The following CTNNB1 variants were observed in gnomAD, a reference collection of about 807,000 sequenced individuals.
The protein encoded by CTNNB1 is catenin beta-1.
CTNNB1 carries 6 observed loss-of-function variants against 82.5 expected under a neutral mutation model. The observed-to-expected ratio is 0.07, with a 90% CI of 0.04 to 0.14. The LOEUF is 0.14. Among genes scored for constraint, CTNNB1 ranks in the 10% least tolerant of loss-of-function variants. CTNNB1 has a pLI of 1.00. For synonymous variants in CTNNB1, 312 were observed against 329.7 expected (o/e 0.95, Z 0.58); for missense variants, 529 against 980.4 (o/e 0.54, Z 6.15).
chr3:41,212,506 G>A (rs1047845353), intron 1 of CTNNB1, among the ~76,000 whole-genome samples: 1 of 152,146 alleles, frequency 6.6e-6, no homozygotes, highest in South Asian at 2.1e-4. Flanking sequence ...CCTACATGTT[G>A]GCCAAATGGA....
chr3:41,217,793 TTA>T (rs1318477371), intron 1 of CTNNB1, among the ~76,000 whole-genome samples: 1 of 152,186 alleles, frequency 6.6e-6, no homozygotes, highest in Non-Finnish European at 1.5e-5. Context: ...ATTGCTCACT[TTA>T]TGTTTTTCCT....
intron 7 of CTNNB1, among the ~76,000 whole-genome samples, chr3:41,228,686 C>T (rs1250294174): frequency 1.3e-5 from 2 of 152,164 alleles, no homozygotes; most frequent in Admixed American, 6.6e-5. Flanking sequence ...TGTAGGTTGT[C>T]TGTTTACTCT....
At chr3:41,223,014 T>C (rs939728588) in intron 1 of CTNNB1, among the ~76,000 whole-genome samples, 4 of 152,156 alleles carry the variant, frequency 2.6e-5, no homozygotes, top group African/African-American at 7.2e-5. Context: ...GAGGTTGCAG[T>C]GAGCCCAGTA....
At chr3:41,207,878 T>C (rs1365468502) in intron 1 of CTNNB1, among the ~76,000 whole-genome samples, 2 of 152,210 alleles carry the variant, frequency 1.3e-5, no homozygotes, top group Non-Finnish European at 2.9e-5. Flanking sequence ...CTTGCACACC[T>C]TATAACACTG....
At chr3:41,228,473 A>G (rs2078230918) in intron 7 of CTNNB1, among the ~76,000 whole-genome samples, 1 of 152,194 alleles carries the variant, frequency 6.6e-6, no homozygotes, top group Non-Finnish European at 1.5e-5. Flanking sequence ...ATGATCAGTG[A>G]TGTCGAGCTT....
chr3:41,203,271 G>A (rs1015562114), intron 1 of CTNNB1, among the ~76,000 whole-genome samples: 1 of 151,778 alleles, frequency 6.6e-6, no homozygotes, highest in African/African-American at 2.4e-5. Context: ...GTTCTGATGA[G>A]GGAGAATCAA....
intron 1 of CTNNB1, among the ~76,000 whole-genome samples, chr3:41,213,820 T>G (rs2077853011): frequency 1.3e-5 from 2 of 152,192 alleles, no homozygotes; most frequent in African/African-American, 4.8e-5. Flanking sequence ...AGCTCTGTAT[T>G]GAAATAACGA....
At position 41,225,430 on chromosome 3, in the gene CTNNB1, A is replaced by G. The variant is rs982974494; in HGVS notation, c.592A>G (p.Ile198Val). The G allele has an allele frequency of 2.4e-5, 38 of 1,613,764 alleles. No individual in the cohort carries two copies. Among genetic ancestry groups the G allele is most frequent in the Non-Finnish European group, 3.1e-5 (36 of 1,179,948 alleles). Reference sequence around the variant, plus strand: ...GCGTTCTCCTCAGATGGTGTCTGCTATTGTACGTACCATGCAGAATACAAA... The same window carrying G: ...GCGTTCTCCTCAGATGGTGTCTGCTGTTGTACGTACCATGCAGAATACAAA... ...IMRSPQMVSAIVRTMQNTNDV... is the reference protein window; with the variant it reads ...IMRSPQMVSAVVRTMQNTNDV... Residue 198 changes from isoleucine (I) to valine (V), a missense_variant, in exon 5 of 15, where the codon ATT (isoleucine) becomes GTT (valine). By Grantham distance (29) the Ile-to-Val change is conservative. Transcript: ENST00000349496. This position sits in a 1 kb window ranked among gnomAD's most constrained non-coding sequence, Gnocchi z 5.3.
At chr3:41,209,029 C>G (rs2125591832) in intron 1 of CTNNB1, among the ~76,000 whole-genome samples, 1 of 152,326 alleles carries the variant, frequency 6.6e-6, no homozygotes, top group East Asian at 1.9e-4. Flanking sequence ...GTTGTCATCT[C>G]ACTTAATCTG....
At chr3:41,216,528 G>C (rs574343849) in intron 1 of CTNNB1, among the ~76,000 whole-genome samples, 4 of 152,294 alleles carry the variant, frequency 2.6e-5, no homozygotes, top group Non-Finnish European at 5.9e-5. Flanking sequence ...CCTTGCTTTA[G>C]AAAACATTGG....
At chr3:41,211,850 T>C (rs9872966) in intron 1 of CTNNB1, among the ~76,000 whole-genome samples, 4,214 of 152,330 alleles carry the variant, frequency 0.028, 198 homozygotes, top group African/African-American at 0.096. Context: ...GCCTTCTAAC[T>C]GGTGTCCCTG....
At chr3:41,205,637 C>T (rs988387357) in intron 1 of CTNNB1, among the ~76,000 whole-genome samples, 9 of 151,888 alleles carry the variant, frequency 5.9e-5, no homozygotes, top group African/African-American at 2.2e-4. Context: ...GATCACGCCA[C>T]TGCACTCCAG....
intron 1 of CTNNB1, among the ~76,000 whole-genome samples, chr3:41,223,574 A>G (rs2125614920): frequency 6.6e-6 from 1 of 152,318 alleles, no homozygotes; most frequent in South Asian, 2.1e-4. Context: ...ACAACTTGTT[A>G]AAGAAAATGT....
In CTNNB1 at chr3:41,235,903, C is replaced by G. The variant is rs2078424925; in HGVS notation, c.1803+60C>G. 5 of 1,586,046 alleles carry G rather than the reference C, an allele frequency of 3.2e-6. No individual in the cohort carries two copies. The East Asian group carries it at 1.1e-4, about 35-fold the overall frequency. Reference sequence around the variant, plus strand: ...CCATAAAATTTCCAGATTGTAATGACTAATAACATTTCAGAAAATTAGGGA... The same window carrying G: ...CCATAAAATTTCCAGATTGTAATGAGTAATAACATTTCAGAAAATTAGGGA... On this transcript the variant is annotated intron_variant, in intron 11 of 14. Coordinates refer to ENST00000349496, the MANE Select transcript of CTNNB1 (RefSeq NM_001904.4).
At chr3:41,204,330 G>GA (rs1417455466) in intron 1 of CTNNB1, among the ~76,000 whole-genome samples, 6 of 152,126 alleles carry the variant, frequency 3.9e-5, no homozygotes, top group African/African-American at 1.2e-4. Context: ...ACAACTTACT[G>GA]AAAAAAATTG....
intron 10 of CTNNB1, chr3:41,235,515 T>G: frequency 3.2e-6 from 2 of 634,394 alleles, no homozygotes. Context: ...TTGCACTGTG[T>G]ATGGGGGAGG....
At chr3:41,224,859 A>T (rs2125618960) in intron 3 of CTNNB1, 95 bp from the exon 4 acceptor site, 2 of 1,600,984 alleles carry the variant, frequency 1.2e-6, no homozygotes. Flanking sequence ...TGAAGAAAAG[A>T]GAGTAATAGC....
intron 1 of CTNNB1, among the ~76,000 whole-genome samples, chr3:41,204,013 C>A (rs1478353491): frequency 6.6e-6 from 1 of 151,836 alleles, no homozygotes; most frequent in African/African-American, 2.4e-5. Context: ...CTTTACTTTG[C>A]CTGTGGAATT....
In CTNNB1 at chr3:41,240,122, ACT is replaced by A. The variant is rs1032468226; in HGVS notation, c.*783_*784del. On this transcript the variant is annotated 3_prime_UTR_variant, in exon 15 of 15. Coordinates refer to ENST00000349496, the MANE Select transcript of CTNNB1 (RefSeq NM_001904.4). ...TGGTGTAGAACACTAATTCATAATC[ACT>A]CTAATTAATTGTAATCTGAATAAAG... 42 of 209,238 alleles carry A rather than the reference ACT, an allele frequency of 2.0e-4. No homozygotes were observed. Among genetic ancestry groups the A allele is most frequent in the Middle Eastern group, 1.5e-3 (1 of 674 alleles). 13.0% of individuals were successfully genotyped at this position (209,238 alleles called of 1,614,324 possible). A position where few individuals can be genotyped will look rare whatever the true frequency, so the allele number is the denominator to read the frequency against.
Sources: allele counts gnomAD v4.1 joint callset (sites outside exome capture counted in the v4.1 genomes callset), GRCh38; gene constraint gnomAD v4.1.1; non-coding constraint Gnocchi (gnomAD v3.1); transcripts MANE v1.5; gene names NCBI Gene and HGNC (gene_info 2026-07-23, HGNC 2026-07-21).